The following CLVS1 variants were observed in gnomAD, a reference collection of about 807,000 sequenced individuals.
CLVS1 encodes the protein clavesin-1.
Under a neutral mutation model 33.1 loss-of-function variants are expected in CLVS1, and 10 were observed. The observed-to-expected ratio is 0.30, with a 90% confidence interval of 0.19 to 0.51. CLVS1 has a LOEUF of 0.51. CLVS1 is among the 20% of genes least tolerant of loss of function. CLVS1 has a pLI of 0.97. For synonymous variants in CLVS1, 163 were observed against 166.1 expected, an observed-to-expected ratio of 0.98 and a Z score of 0.14; for missense variants, 343 against 433.4, an observed-to-expected ratio of 0.79 and a Z score of 1.85.
chr8:61,221,012 T>C (rs76350817), intron 2 of CLVS1, among the ~76,000 whole-genome samples: 1 of 152,172 alleles, frequency 6.6e-6, no homozygotes, highest in Admixed American at 6.5e-5. Context: ...AAGGAATGCT[T>C]GAGATTTTGC....
At chr8:61,186,997 A>T (rs1310716101) in intron 2 of CLVS1, among the ~76,000 whole-genome samples, 1 of 152,214 alleles carries the variant, frequency 6.6e-6, no homozygotes, top group Non-Finnish European at 1.5e-5. Flanking sequence ...GTTTACTCAG[A>T]TCCTGCTATG....
chr8:61,032,971 A>G, the CLVS1 span, among the ~76,000 whole-genome samples: 1 of 69,404 alleles, frequency 1.4e-5, no homozygotes, highest in Non-Finnish European at 2.8e-5. Context: ...CAAGGAAGGA[A>G]GGAAGGAAGG....
chr8:61,311,465 A>G (rs1027835704), intron 2 of CLVS1, among the ~76,000 whole-genome samples: 8 of 152,184 alleles, frequency 5.3e-5, no homozygotes, highest in Non-Finnish European at 1.0e-4. Context: ...GTTAGAAGCC[A>G]TCTTTCCCAC....
At chr8:61,490,831 G>T (rs922936142) in intron 5 of CLVS1, among the ~76,000 whole-genome samples, 1 of 151,410 alleles carries the variant, frequency 6.6e-6, no homozygotes, top group African/African-American at 2.4e-5. Flanking sequence ...GGTGGCGGGT[G>T]CCTGTAATCC....
chr8:61,232,279 G>C (rs113905227), intron 2 of CLVS1, among the ~76,000 whole-genome samples: 12,736 of 151,446 alleles, frequency 0.084, 1,033 homozygotes, highest in African/African-American at 0.22. Context: ...CTCGTGATCC[G>C]CCCGCCTCAG....
chr8:61,217,530 A>G (rs1293007222), intron 2 of CLVS1, among the ~76,000 whole-genome samples: 4 of 152,214 alleles, frequency 2.6e-5, no homozygotes, highest in East Asian at 1.9e-4. Context: ...ACACACTTCA[A>G]TTAAACGTGT....
chr8:61,085,842 T>C (rs1033016033), intron 1 of CLVS1, among the ~76,000 whole-genome samples: 1 of 150,240 alleles, frequency 6.7e-6, no homozygotes, highest in African/African-American at 2.4e-5. Context: ...GCTAACACGG[T>C]GAAACCCCAC....
At chr8:61,258,565 C>T (rs1199904310) in intron 2 of CLVS1, among the ~76,000 whole-genome samples, 1 of 152,122 alleles carries the variant, frequency 6.6e-6, no homozygotes, top group Non-Finnish European at 1.5e-5. Context: ...TTAGTTGCAC[C>T]AGCAGAATCA....
chr8:61,283,026 G>T (rs1404805044), upstream of CLVS1, among the ~76,000 whole-genome samples: 1 of 152,196 alleles, frequency 6.6e-6, no homozygotes, highest in African/African-American at 2.4e-5. Context: ...GATAACGGGG[G>T]AAGGAGAGTT....
intron 3 of CLVS1, among the ~76,000 whole-genome samples, chr8:61,421,177 T>C (rs1366286947): frequency 5.3e-5 from 8 of 152,080 alleles, no homozygotes; most frequent in Non-Finnish European, 1.0e-4. Context: ...AGTAGATGCC[T>C]AGAACCGAAC....
intron 3 of CLVS1, among the ~76,000 whole-genome samples, chr8:61,378,972 T>C (rs1813759535): frequency 6.6e-6 from 1 of 152,166 alleles, no homozygotes; most frequent in Non-Finnish European, 1.5e-5. Context: ...TGTCCATTTG[T>C]TAGCCACAAA....
chr8:61,319,199 C>G (rs1292849495), intron 2 of CLVS1, among the ~76,000 whole-genome samples: 1 of 152,028 alleles, frequency 6.6e-6, no homozygotes, highest in African/African-American at 2.4e-5. Flanking sequence ...TGGGAATGAT[C>G]TTCTACAGAG....
chr8:61,195,904 T>C (rs908330520), intron 2 of CLVS1, among the ~76,000 whole-genome samples: 2 of 152,170 alleles, frequency 1.3e-5, no homozygotes, highest in African/African-American at 2.4e-5. Context: ...AAGTATGTAA[T>C]TAAAACATCT....
At chr8:61,358,113 G>A (rs187792488) in intron 2 of CLVS1, among the ~76,000 whole-genome samples, 5 of 152,294 alleles carry the variant, frequency 3.3e-5, no homozygotes, top group Admixed American at 6.5e-5. Context: ...TTACTGACAC[G>A]ATGAAGTGCC....
At chr8:61,181,629 C>A (rs1807231240) in intron 2 of CLVS1, among the ~76,000 whole-genome samples, 1 of 151,108 alleles carries the variant, frequency 6.6e-6, no homozygotes, top group Non-Finnish European at 1.5e-5. Context: ...GGTACCAAAA[C>A]AGACATATAG....
chr8:61,448,457 G>T (rs1816834550), intron 3 of CLVS1, among the ~76,000 whole-genome samples: 1 of 151,996 alleles, frequency 6.6e-6, no homozygotes, highest in Non-Finnish European at 1.5e-5. Context: ...TGTAGTTCAG[G>T]TTAAGTAATT....
At chr8:61,312,296 A>G (rs1810856983) in intron 2 of CLVS1, among the ~76,000 whole-genome samples, 1 of 152,262 alleles carries the variant, frequency 6.6e-6, no homozygotes, top group Non-Finnish European at 1.5e-5. Flanking sequence ...ACAGAACCTT[A>G]AACAGCCACT....
intron 1 of CLVS1, among the ~76,000 whole-genome samples, chr8:61,078,124 G>C (rs374879973): frequency 6.6e-6 from 1 of 152,196 alleles, no homozygotes; most frequent in Non-Finnish European, 1.5e-5. Flanking sequence ...GCCTGTCTGC[G>C]TGCTAGGGCT....
the CLVS1 span, among the ~76,000 whole-genome samples, chr8:60,964,978 T>C: frequency 6.6e-6 from 1 of 152,228 alleles, no homozygotes; most frequent in African/African-American, 2.4e-5. Flanking sequence ...CCTGGGAAGT[T>C]TTCCCAGGAA....
Sources: gnomAD v4.1 joint callset for allele counts (sites outside exome capture counted in the v4.1 genomes callset) on GRCh38, gnomAD v4.1.1 for gene constraint, MANE v1.5 for transcripts, NCBI Gene and HGNC (gene_info 2026-07-23, HGNC 2026-07-21) for gene names.